Variants in RSRC1 observed in about 807,000 individuals in gnomAD.
RSRC1 encodes serine/Arginine-related protein 53.
A neutral mutation model predicts 49.1 loss-of-function variants in RSRC1; 39 were observed. The ratio of observed to expected loss-of-function variants is 0.79; its 90% CI spans 0.61 to 1.04. The LOEUF is 1.04. Ranked by LOEUF, RSRC1 falls within the 50% of genes least tolerant of loss-of-function variation. RSRC1 has a pLI of 0.00. For synonymous variants in RSRC1, 143 were observed against 130.8 expected (o/e 1.09, Z -0.63); for missense variants, 388 against 402.4 (o/e 0.96, Z 0.31).
chr3:158,416,778 G>A (rs1279184884), intron 6 of RSRC1, among the ~76,000 whole-genome samples: 1 of 151,982 alleles, frequency 6.6e-6, no homozygotes, highest in African/African-American at 2.4e-5. Context: ...CGATAATGTT[G>A]TACTTCTTTT....
At chr3:158,361,026 C>G (rs1156337231) in intron 6 of RSRC1, among the ~76,000 whole-genome samples, 3 of 152,190 alleles carry the variant, frequency 2.0e-5, no homozygotes, top group Admixed American at 2.0e-4. Flanking sequence ...CCCCTGTGGC[C>G]CTGGCTCTCA....
At chr3:158,520,101 C>T (rs974073234) in intron 7 of RSRC1, among the ~76,000 whole-genome samples, 1 of 152,072 alleles carries the variant, frequency 6.6e-6, no homozygotes, top group Non-Finnish European at 1.5e-5. Flanking sequence ...GTTTCAAGGA[C>T]AGTCAAAGGT....
chr3:158,196,377 T>C (rs1720615742), intron 3 of RSRC1, among the ~76,000 whole-genome samples: 1 of 152,220 alleles, frequency 6.6e-6, no homozygotes, highest in Admixed American at 6.5e-5. Flanking sequence ...CTGAAGTTGC[T>C]TATCAGCTTA....
intron 4 of RSRC1, among the ~76,000 whole-genome samples, chr3:158,284,899 T>G (rs551217127): frequency 2.0e-5 from 3 of 151,828 alleles, no homozygotes; most frequent in South Asian, 2.1e-4. Flanking sequence ...TTAGTTTAAT[T>G]AAATCCCATT....
chr3:158,527,022 T>G (rs1712074300), intron 7 of RSRC1, among the ~76,000 whole-genome samples: 1 of 151,478 alleles, frequency 6.6e-6, no homozygotes, highest in African/African-American at 2.4e-5. Context: ...AATAAAAGAT[T>G]AATTCAAGTC....
chr3:158,165,474 C>T (rs1718480685), intron 3 of RSRC1, among the ~76,000 whole-genome samples: 1 of 152,178 alleles, frequency 6.6e-6, no homozygotes, highest in African/African-American at 2.4e-5. Flanking sequence ...CTGTTTGTAG[C>T]CATTTTAAGG....
chr3:158,145,223 T>C (rs1717010566), intron 3 of RSRC1, among the ~76,000 whole-genome samples: 1 of 152,226 alleles, frequency 6.6e-6, no homozygotes, highest in Non-Finnish European at 1.5e-5. Context: ...AAGTCCTGAA[T>C]GGTATTGCCT....
At chr3:158,247,179 T>G (rs997783133) in intron 4 of RSRC1, among the ~76,000 whole-genome samples, 11 of 152,144 alleles carry the variant, frequency 7.2e-5, no homozygotes, top group Admixed American at 5.2e-4. Context: ...CTGCCATTAA[T>G]ACTGTGATTG....
intron 4 of RSRC1, among the ~76,000 whole-genome samples, chr3:158,223,603 C>CTTTTTTTTTT (rs1722348128): frequency 5.1e-5 from 3 of 58,512 alleles, no homozygotes; most frequent in Non-Finnish European, 3.9e-5. Flanking sequence ...TTTTTTTTTG[C>CTTTTTTTTTT]TTTCAATCTT....
intron 6 of RSRC1, among the ~76,000 whole-genome samples, chr3:158,402,014 T>G (rs112211086): frequency 0.011 from 1,646 of 151,830 alleles, 32 homozygotes; most frequent in African/African-American, 0.038. Flanking sequence ...GGAAAGGGAT[T>G]TAAGGTGGGG....
intron 4 of RSRC1, among the ~76,000 whole-genome samples, chr3:158,234,559 T>C (rs1559955087): frequency 6.6e-6 from 1 of 151,246 alleles, no homozygotes; most frequent in Non-Finnish European, 1.5e-5. Flanking sequence ...ATATAGGAAA[T>C]TATTGGTCTT....
At chr3:158,506,548 A>G (rs2108467182) in intron 7 of RSRC1, among the ~76,000 whole-genome samples, 1 of 152,236 alleles carries the variant, frequency 6.6e-6, no homozygotes, top group East Asian at 1.9e-4. Flanking sequence ...GACGACATAT[A>G]AACGGCCAAC....
At chr3:158,542,376 C>T (rs954601835) in intron 8 of RSRC1, among the ~76,000 whole-genome samples, 5 of 152,084 alleles carry the variant, frequency 3.3e-5, no homozygotes, top group African/African-American at 1.2e-4. Context: ...ACTGAAAATA[C>T]AAAAATTAGC....
chr3:158,362,005 A>C (rs1731501843), intron 6 of RSRC1, among the ~76,000 whole-genome samples: 1 of 152,168 alleles, frequency 6.6e-6, no homozygotes, highest in African/African-American at 2.4e-5. Context: ...CATGAATGTT[A>C]TACTTATTTT....
At chr3:158,511,879 G>T (rs78478086) in intron 7 of RSRC1, among the ~76,000 whole-genome samples, 1 of 151,940 alleles carries the variant, frequency 6.6e-6, no homozygotes, top group Non-Finnish European at 1.5e-5. Context: ...GCCAGTGATG[G>T]TGAGCATTTT....
intron 5 of RSRC1, chr3:158,303,121 A>G (rs1156840270): frequency 6.6e-6 from 1 of 152,256 alleles, no homozygotes; most frequent in Non-Finnish European, 1.5e-5. Context: ...AGGAAAAAAT[A>G]CAGGAGATAG....
At chr3:158,405,760 A>C (rs749389846) in intron 6 of RSRC1, among the ~76,000 whole-genome samples, 8 of 152,128 alleles carry the variant, frequency 5.3e-5, no homozygotes, top group East Asian at 1.9e-4. Context: ...TAGGGACTGA[A>C]TAGGAAGAAA....
At chr3:158,222,681 C>T (rs1379373409) in intron 4 of RSRC1, among the ~76,000 whole-genome samples, 1 of 151,630 alleles carries the variant, frequency 6.6e-6, no homozygotes, top group East Asian at 1.9e-4. Flanking sequence ...TTAAATATAC[C>T]ACTTTTTATT....
At chr3:158,377,904 G>GC (rs1004922720) in intron 6 of RSRC1, among the ~76,000 whole-genome samples, 2 of 151,980 alleles carry the variant, frequency 1.3e-5, no homozygotes, top group African/African-American at 4.8e-5. Context: ...CAAATGATCT[G>GC]CCCCCCTCAG....
Sources: allele counts gnomAD v4.1 joint callset (sites outside exome capture counted in the v4.1 genomes callset), GRCh38; gene constraint gnomAD v4.1.1; transcripts MANE v1.5; gene names NCBI Gene and HGNC (gene_info 2026-07-23, HGNC 2026-07-21).